ZMYM4: variants seen among roughly 807,000 people sequenced by gnomAD.
The protein encoded by ZMYM4 is zinc finger MYM-type protein 4.
In ZMYM4, 31 loss-of-function variants were observed where a neutral mutation model predicts 183.2. That is an observed-to-expected ratio of 0.17 (90% CI 0.13 to 0.23). The LOEUF (loss-of-function observed/expected upper bound fraction) is 0.23, where lower values mean the gene tolerates loss of function less well. Among genes scored for constraint, ZMYM4 ranks in the 10% least tolerant of loss-of-function variants. ZMYM4 has a pLI of 1.00. For synonymous variants in ZMYM4, 592 were observed against 631.2 expected, an observed-to-expected ratio of 0.94 and a Z score of 0.93; for missense variants, 1,273 against 1,840.3, an observed-to-expected ratio of 0.69 and a Z score of 5.64.
intron 26 of ZMYM4, among the ~76,000 whole-genome samples, chr1:35,411,122 A>G (rs1427895579): frequency 6.6e-6 from 1 of 151,882 alleles, no homozygotes; most frequent in Admixed American, 6.6e-5. Flanking sequence ...CATTGTAGAA[A>G]ATCTTTTGAC....
At chr1:35,351,704 CA>C (rs1643613905) in intron 2 of ZMYM4, 2 of 464,920 alleles carry the variant, frequency 4.3e-6, no homozygotes, top group East Asian at 7.2e-5. Context: ...AAACAAAAAA[CA>C]AAAATGTGCA....
chr1:35,352,728 A>G (rs1034146883), intron 2 of ZMYM4, among the ~76,000 whole-genome samples: 2 of 151,448 alleles, frequency 1.3e-5, no homozygotes, highest in Non-Finnish European at 2.9e-5. Context: ...TTTTTCTCCT[A>G]CTCTATTAGC....
At chr1:35,384,456 G>T (rs1644529961) in intron 9 of ZMYM4, among the ~76,000 whole-genome samples, 1 of 152,146 alleles carries the variant, frequency 6.6e-6, no homozygotes, top group Non-Finnish European at 1.5e-5. Context: ...AAATTATCCT[G>T]AATGTGTGAC....
In ZMYM4 at chr1:35,408,077, A is replaced by G; in HGVS notation, c.3866A>G (p.Gln1289Arg). ...TFAELSLGLC[Q>R]FIQEVRRPNG... The stretch of plus-strand genomic sequence containing the variant: ...GCTGAGTTGAGTTTGGGCTTATGCC[A>G]GTTTATCCAAGAGGTGCGGAGACCA... Residue 1289 changes from glutamine (Q) to arginine (R), a missense_variant, in exon 26 of 30, where the codon CAG becomes CGG. Transcript: ENST00000314607. 6.2e-7 allele frequency: 1 copy of G among 1,614,226 alleles called. No homozygotes were observed. The highest frequency in any genetic ancestry group is 2.2e-5 in the East Asian group (1 of 44,882).
intron 1 of ZMYM4, among the ~76,000 whole-genome samples, chr1:35,288,793 A>AT (rs1640623968): frequency 6.6e-6 from 1 of 151,996 alleles, no homozygotes; most frequent in Non-Finnish European, 1.5e-5. Context: ...GAATTAACTT[A>AT]TTTTTTTCCT....
At chr1:35,282,733 T>C (rs1325429543) in intron 1 of ZMYM4, among the ~76,000 whole-genome samples, 1 of 152,040 alleles carries the variant, frequency 6.6e-6, no homozygotes, top group African/African-American at 2.4e-5. Flanking sequence ...TTTTAGTTTT[T>C]CTTATAGAGA....
intron 1 of ZMYM4, among the ~76,000 whole-genome samples, chr1:35,315,410 T>C (rs1642000553): frequency 6.6e-6 from 1 of 152,172 alleles, no homozygotes; most frequent in Non-Finnish European, 1.5e-5. Flanking sequence ...AAAAAAGTTC[T>C]ACTAAAAAAA....
At chr1:35,302,967 A>G (rs551115324) in intron 1 of ZMYM4, among the ~76,000 whole-genome samples, 146 of 147,272 alleles carry the variant, frequency 9.9e-4, no homozygotes, top group African/African-American at 3.5e-3. Flanking sequence ...ACAGGGAAAC[A>G]CTGTCTCCAA....
At chr1:35,371,341 C>G (rs996376453) in intron 7 of ZMYM4, among the ~76,000 whole-genome samples, 6 of 152,102 alleles carry the variant, frequency 3.9e-5, no homozygotes, top group African/African-American at 1.4e-4. Flanking sequence ...TGGTCTCGAT[C>G]TCCTGACCTC....
chr1:35,332,902 G>T (rs1031649709), intron 2 of ZMYM4, among the ~76,000 whole-genome samples: 1 of 151,980 alleles, frequency 6.6e-6, no homozygotes, highest in African/African-American at 2.4e-5. Flanking sequence ...TGGCTATGTT[G>T]CCCATGCTGG....
intron 1 of ZMYM4, among the ~76,000 whole-genome samples, chr1:35,281,446 A>G (rs538308194): frequency 1.4e-4 from 21 of 152,156 alleles, no homozygotes; most frequent in African/African-American, 4.6e-4. Flanking sequence ...TATAGTTACC[A>G]GAGCATGGGG....
chr1:35,326,692 C>G (rs1299584436), intron 2 of ZMYM4, among the ~76,000 whole-genome samples: 1 of 152,206 alleles, frequency 6.6e-6, no homozygotes, highest in Non-Finnish European at 1.5e-5. Context: ...GTGCTTCACA[C>G]ACACACACCC....
chr1:35,369,703 A>G (rs922051168), intron 5 of ZMYM4, among the ~76,000 whole-genome samples: 25 of 151,974 alleles, frequency 1.6e-4, no homozygotes, highest in African/African-American at 6.0e-4. Context: ...AATTTTCTAT[A>G]GTGATTGTGT....
At chr1:35,382,792 A>G (rs1249127296) in intron 9 of ZMYM4, among the ~76,000 whole-genome samples, 1 of 152,042 alleles carries the variant, frequency 6.6e-6, no homozygotes, top group African/African-American at 2.4e-5. Flanking sequence ...TTCTTTAACA[A>G]TATTTTGAAA....
intron 18 of ZMYM4, among the ~76,000 whole-genome samples, chr1:35,394,049 G>C (rs1291210555): frequency 1.3e-5 from 2 of 151,810 alleles, no homozygotes; most frequent in African/African-American, 4.8e-5. Context: ...GGCTTCTAAG[G>C]AGGTGCTATT....
chr1:35,315,321 A>G (rs375704454), intron 1 of ZMYM4, among the ~76,000 whole-genome samples: 1 of 152,186 alleles, frequency 6.6e-6, no homozygotes, highest in East Asian at 1.9e-4. Flanking sequence ...GCTTTATTTT[A>G]TACAATTTGA....
chr1:35,421,784 G>A lies in ZMYM4; in HGVS notation c.*2107G>A, dbSNP rs1236901014. On this transcript the variant is annotated 3_prime_UTR_variant, in exon 30 of 30. Transcript: ENST00000314607. Reference sequence around the variant, plus strand: ...TTGCTTTTTTAATTTTATGAAAATTGTGTAAAATTACATTTTTTTTCCAGG... The same window carrying A: ...TTGCTTTTTTAATTTTATGAAAATTATGTAAAATTACATTTTTTTTCCAGG... The A allele has an allele frequency of 6.6e-6, 1 of 152,038 alleles. No individual in the cohort carries two copies. The highest frequency in any genetic ancestry group is 1.5e-5 in the Non-Finnish European group (1 of 67,998). The allele number at this position is 152,038 out of a possible 1,614,324, so 9.4% of individuals were successfully genotyped here. A position where few individuals can be genotyped will look rare whatever the true frequency, so the allele number is the denominator to read the frequency against.
intron 27 of ZMYM4, among the ~76,000 whole-genome samples, chr1:35,414,576 A>G (rs1640037752): frequency 6.6e-6 from 1 of 152,230 alleles, no homozygotes; most frequent in African/African-American, 2.4e-5. Context: ...TGGGCTGCAG[A>G]GCACCTTTAA....
chr1:35,393,794 G>A, intron 18 of ZMYM4, 55 bp downstream of exon 18: 1 of 1,518,436 alleles, frequency 6.6e-7, no homozygotes, highest in East Asian at 2.4e-5. Flanking sequence ...AGAAATGTAG[G>A]ATCTACTTAC....
Sources: gnomAD v4.1 joint callset for allele counts (sites outside exome capture counted in the v4.1 genomes callset) on GRCh38, gnomAD v4.1.1 for gene constraint, MANE v1.5 for transcripts, NCBI Gene and HGNC (gene_info 2026-07-23, HGNC 2026-07-21) for gene names.